The following FBXL12 variants were observed in gnomAD, a reference collection of about 807,000 sequenced individuals.
FBXL12 encodes F-box/LRR-repeat protein 12.
In FBXL12, 22 loss-of-function variants were observed where a neutral mutation model predicts 24.9. That is an observed-to-expected ratio of 0.88 (90% confidence interval 0.63 to 1.26). The LOEUF (loss-of-function observed/expected upper bound fraction) is 1.26. Among genes scored for constraint, FBXL12 ranks in the 50% most tolerant of loss-of-function variants. The pLI is 0.00. For synonymous variants in FBXL12, 193 were observed against 193.8 expected, an observed-to-expected ratio of 1.00 and a Z score of 0.03; for missense variants, 384 against 434.1, an observed-to-expected ratio of 0.88 and a Z score of 1.03.
chr19:9,815,973 T>C (rs1017382605), intron 2 of FBXL12, among the ~76,000 whole-genome samples: 1 of 152,174 alleles, frequency 6.6e-6, no homozygotes, highest in Non-Finnish European at 1.5e-5. Context: ...TTGGCTTCTG[T>C]GCACCAGCAG....
chr19:9,811,202 G>A lies in FBXL12; in HGVS notation c.675C>T (p.Arg225=), dbSNP rs2045739654. 2 of 1,613,306 alleles carry A rather than the reference G, an allele frequency of 1.2e-6. No individual in the cohort carries two copies. Among genetic ancestry groups the A allele is most frequent in the East Asian group, 4.5e-5 (2 of 44,854 alleles). ...GGATCTTGCGCACATCTCGGAGGTG[G>A]CGGCTGATGGCCAGCAGGGTGCTGT... ...SADSTLLAIS[R]HLRDVRKIRL... The change falls in exon 3 of 3, where the codon CGC becomes CGT. Residue 225 remains arginine (R), a synonymous_variant. Coordinates refer to ENST00000247977, the MANE Select transcript of FBXL12 (RefSeq NM_017703.3). The surrounding 1 kb of genome is among the most constrained non-coding windows in gnomAD (Gnocchi z 6.0).
In FBXL12 at chr19:9,811,936, T is replaced by C. The variant is rs1161859989; in HGVS notation, c.160-219A>G. On this transcript the variant is annotated intron_variant, in intron 2 of 2. Coordinates refer to ENST00000247977, the MANE Select transcript of FBXL12 (RefSeq NM_017703.3). The surrounding 1 kb of genome is among the most constrained non-coding windows in gnomAD (Gnocchi z 6.0). ...TGCTAGGGCTTTGAACAAATCTTTTTTTTTTTTTTTTTTTCTGAGACAGGT... is the reference window on the plus strand; with the variant it reads ...TGCTAGGGCTTTGAACAAATCTTTTCTTTTTTTTTTTTTTCTGAGACAGGT... 1.3e-5 allele frequency among the ~76,000 whole-genome samples: 2 copies of C among 151,166 alleles called. No homozygotes were observed. The highest frequency in any genetic ancestry group is 4.9e-5 in the African/African-American group (2 of 41,208).
chr19:9,812,188 A>T (rs1034248944), intron 2 of FBXL12, among the ~76,000 whole-genome samples: 1 of 152,076 alleles, frequency 6.6e-6, no homozygotes, highest in Non-Finnish European at 1.5e-5. Context: ...TCAGCCCCTC[A>T]AAGTGCTGGG....
chr19:9,811,500 A>C lies in FBXL12; in HGVS notation c.377T>G (p.Leu126Trp), dbSNP rs765335839. 1 of 1,613,856 alleles carries C rather than the reference A, an allele frequency of 6.2e-7. No individual in the cohort carries two copies. The highest frequency in any genetic ancestry group is 8.5e-7 in the Non-Finnish European group (1 of 1,179,956). ...GCAGCTGTGCAGCTCCAGGGTCCTC[A>C]AGGTGCTGGGCAGGCTGGTGATGGG... ...MVPITSLPST[L>W]RTLELHSCEI... is the part of the protein sequence containing the mutation. The change falls in exon 3 of 3, where the codon TTG becomes TGG. Residue 126 changes from leucine to tryptophan, a missense_variant. By Grantham distance (61) the Leu-to-Trp change is moderately conservative. Transcript: ENST00000247977. This position sits in a 1 kb window ranked among gnomAD's most constrained non-coding sequence, Gnocchi z 6.0.
chr19:9,811,747 G>A lies in FBXL12; in HGVS notation c.160-30C>T, dbSNP rs1007036220. On this transcript the variant is annotated intron_variant, in intron 2 of 2. Coordinates refer to ENST00000247977, the MANE Select transcript of FBXL12 (RefSeq NM_017703.3). This position sits in a 1 kb window ranked among gnomAD's most constrained non-coding sequence, Gnocchi z 6.0. ...AAGAGCCAGAGATTGGGGTGACAGA[G>A]TGAGAGGTATGGAGCTTCCAAGGCC... is the stretch of plus-strand genomic sequence containing the variant. The A allele has an allele frequency of 2.0e-6, 3 of 1,498,742 alleles. No homozygotes were observed. Among genetic ancestry groups the A allele is most frequent in the Non-Finnish European group, 2.7e-6 (3 of 1,121,966 alleles). 92.8% of individuals were successfully genotyped at this position (1,498,742 alleles called of 1,614,324 possible).
chr19:9,811,653 C>T lies in FBXL12; in HGVS notation c.224G>A (p.Arg75Gln), dbSNP rs781395290. The change falls in exon 3 of 3, where the codon CGG becomes CAG. Residue 75 changes from arginine (R) to glutamine (Q), a missense_variant. By Grantham distance (43) the Arg-to-Gln change is conservative. Coordinates refer to ENST00000247977, the MANE Select transcript of FBXL12 (RefSeq NM_017703.3). This position sits in a 1 kb window ranked among gnomAD's most constrained non-coding sequence, Gnocchi z 6.0. ...RYMASRLHSLRMGGYLFSGSQ... is the reference protein window; with the variant it reads ...RYMASRLHSLQMGGYLFSGSQ... ...GCCAGAGAACAGGTAGCCACCCATC[C>T]GCAGGGAATGGAGCCGGGATGCCAT... 81 of 1,521,778 alleles carry T rather than the reference C, an allele frequency of 5.3e-5. No individual in the cohort carries two copies. Among genetic ancestry groups the T allele is most frequent in the South Asian group, 2.6e-4 (20 of 77,200 alleles). 94.3% of individuals were successfully genotyped at this position (1,521,778 alleles called of 1,614,324 possible). A position where few individuals can be genotyped will look rare whatever the true frequency, so the allele number is the denominator to read the frequency against.
At chr19:9,818,498 C>A (rs752819431) in intron 2 of FBXL12, 47 bp downstream of exon 2, 5 of 1,524,696 alleles carry the variant, frequency 3.3e-6, no homozygotes, top group Middle Eastern at 1.9e-4. Flanking sequence ...CTTCGGGGTC[C>A]GGGCACCGCG....
rs1479696587 is a variant in FBXL12 at position 9,811,187 on chromosome 19, C to T, written c.690G>A (p.Val230=). 7 of 1,611,852 alleles carry T rather than the reference C, an allele frequency of 4.3e-6. No individual in the cohort carries two copies. The highest frequency in any genetic ancestry group is 5.1e-6 in the Non-Finnish European group (6 of 1,178,362). ...LLAISRHLRD[V]RKIRLTVRGL... ...CCCTCACGGTCAGCCGGATCTTGCG[C>T]ACATCTCGGAGGTGGCGGCTGATGG... is the stretch of plus-strand genomic sequence containing the variant. The change falls in exon 3 of 3, where the codon GTG becomes GTA. Residue 230 remains valine, a synonymous_variant. Transcript: ENST00000247977. The surrounding 1 kb of genome is among the most constrained non-coding windows in gnomAD (Gnocchi z 6.0).
intron 2 of FBXL12, among the ~76,000 whole-genome samples, chr19:9,817,011 A>G (rs2045900794): frequency 6.6e-6 from 1 of 152,200 alleles, no homozygotes; most frequent in Non-Finnish European, 1.5e-5. Context: ...AGACTTATTC[A>G]CTATCACAAG....
At chr19:9,818,687 C>A (rs1345465729) in intron 1 of FBXL12, 41 bp downstream of exon 1, 1 of 1,543,338 alleles carries the variant, frequency 6.5e-7, no homozygotes, top group East Asian at 2.4e-5. Flanking sequence ...GTGCCAGCTG[C>A]GCCCTCCGCC....
chr19:9,818,328 G>A (rs1414875390), intron 2 of FBXL12: 3 of 587,562 alleles, frequency 5.1e-6, no homozygotes, highest in Non-Finnish European at 9.1e-6. Flanking sequence ...GCCCCGTGAG[G>A]CAGGTACTGT....
At chr19:9,818,336 T>C (rs2045927287) in intron 2 of FBXL12, 1 of 599,192 alleles carries the variant, frequency 1.7e-6, no homozygotes, top group Non-Finnish European at 3.0e-6. Context: ...AGGCAGGTAC[T>C]GTCCTTTATC....
Position 9,811,221 on chromosome 19 carries a change from G to A in FBXL12, c.656C>T (p.Thr219Ile). 6.2e-7 allele frequency: 1 copy of A among 1,613,392 alleles called. No individual in the cohort carries two copies. The highest frequency in any genetic ancestry group is 1.1e-5 in the South Asian group (1 of 91,072). ...VLGCTLSADS[T>I]LLAISRHLRD... ...GAGGTGGCGGCTGATGGCCAGCAGGGTGCTGTCGGCAGACAGGGTGCAGCC... is the reference window on the plus strand; with the variant it reads ...GAGGTGGCGGCTGATGGCCAGCAGGATGCTGTCGGCAGACAGGGTGCAGCC... The change falls in exon 3 of 3, where the codon ACC becomes ATC. Residue 219 changes from threonine to isoleucine, a missense_variant. Thr to Ile is a moderately conservative substitution (Grantham distance 89). Coordinates refer to ENST00000247977, the MANE Select transcript of FBXL12 (RefSeq NM_017703.3). This position sits in a 1 kb window ranked among gnomAD's most constrained non-coding sequence, Gnocchi z 6.0.
In FBXL12 at chr19:9,810,883, G is replaced by T. The variant is rs2045726080; in HGVS notation, c.*13C>A. 3 of 1,560,892 alleles carry T rather than the reference G, an allele frequency of 1.9e-6. No homozygotes were observed. The highest frequency in any genetic ancestry group is 1.7e-5 in the Admixed American group (1 of 57,612). Reference sequence around the variant, plus strand: ...ATGAAAACTGGGATGGGTCCCAAGGGCAGGTGGAGTAGTTACATCCACCAG... The same window carrying T: ...ATGAAAACTGGGATGGGTCCCAAGGTCAGGTGGAGTAGTTACATCCACCAG... On this transcript the variant is annotated 3_prime_UTR_variant, in exon 3 of 3. Transcript: ENST00000247977.
chr19:9,818,969 G>T lies in FBXL12; in HGVS notation c.-156C>A. 1.4e-6 allele frequency: 1 copy of T among 695,084 alleles called. No homozygotes were observed. The highest frequency in any genetic ancestry group is 2.4e-6 in the Non-Finnish European group (1 of 412,546). The allele number at this position is 695,084 out of a possible 1,614,324, so 43.1% of individuals were successfully genotyped here. On this transcript the variant is annotated 5_prime_UTR_variant, in exon 1 of 3. Transcript: ENST00000247977. ...GGGAAGTGATTCGGTCCCAGGGCCG[G>T]ACCAGCCGCGGATGGGGACCAGAAA...
chr19:9,811,799 C>G lies in FBXL12; in HGVS notation c.160-82G>C, dbSNP rs981308057. 1.6e-6 allele frequency: 2 copies of G among 1,229,738 alleles called. No individual in the cohort carries two copies. The highest frequency in any genetic ancestry group is 2.2e-6 in the Non-Finnish European group (2 of 920,402). The allele number at this position is 1,229,738 out of a possible 1,614,324, so 76.2% of individuals were successfully genotyped here. On this transcript the variant is annotated intron_variant, in intron 2 of 2. Coordinates refer to ENST00000247977, the MANE Select transcript of FBXL12 (RefSeq NM_017703.3). The surrounding 1 kb of genome is among the most constrained non-coding windows in gnomAD (Gnocchi z 6.0). ...CTGCTGGGCTGGAGACACACAACCCCGGGGTGGGGGATTCTGGTGCCCTGC... is the reference window on the plus strand; with the variant it reads ...CTGCTGGGCTGGAGACACACAACCCGGGGGTGGGGGATTCTGGTGCCCTGC...
At position 9,811,792 on chromosome 19, in the gene FBXL12, A is replaced by G. The variant is rs1454526147; in HGVS notation, c.160-75T>C. Reference sequence around the variant, plus strand: ...AAGGCCCCTGCTGGGCTGGAGACACACAACCCCGGGGTGGGGGATTCTGGT... The same window carrying G: ...AAGGCCCCTGCTGGGCTGGAGACACGCAACCCCGGGGTGGGGGATTCTGGT... On this transcript the variant is annotated intron_variant, in intron 2 of 2. Coordinates refer to ENST00000247977, the MANE Select transcript of FBXL12 (RefSeq NM_017703.3). The surrounding 1 kb of genome is among the most constrained non-coding windows in gnomAD (Gnocchi z 6.0). 3 of 1,292,844 alleles carry G rather than the reference A, an allele frequency of 2.3e-6. No homozygotes were observed. The highest frequency in any genetic ancestry group is 2.1e-6 in the Non-Finnish European group (2 of 967,836). 80.1% of individuals were successfully genotyped at this position (1,292,844 alleles called of 1,614,324 possible).
intron 2 of FBXL12, among the ~76,000 whole-genome samples, chr19:9,814,976 T>A (rs1346429917): frequency 6.6e-6 from 1 of 152,124 alleles, no homozygotes; most frequent in Admixed American, 6.6e-5. Flanking sequence ...CAACCAATCA[T>A]GGCTTCCCAA....
chr19:9,811,265 C>G lies in FBXL12; in HGVS notation c.612G>C (p.Leu204=). The change falls in exon 3 of 3, where the codon CTG becomes CTC. Residue 204 remains leucine, a synonymous_variant. Coordinates refer to ENST00000247977, the MANE Select transcript of FBXL12 (RefSeq NM_017703.3). This position sits in a 1 kb window ranked among gnomAD's most constrained non-coding sequence, Gnocchi z 6.0. ...TGCAGCCCAGCACCTCAAGCCTCTG[C>G]AGATAGCTGAGCTCCTGCAGGCCAG... ...LDAGLQELSY[L]QRLEVLGCTL... is the part of the protein sequence containing the mutation. 6.2e-7 allele frequency: 1 copy of G among 1,611,494 alleles called. No individual in the cohort carries two copies. The highest frequency in any genetic ancestry group is 8.5e-7 in the Non-Finnish European group (1 of 1,179,988).
Sources: allele counts gnomAD v4.1 joint callset (sites outside exome capture counted in the v4.1 genomes callset), GRCh38; gene constraint gnomAD v4.1.1; non-coding constraint Gnocchi (gnomAD v3.1); transcripts MANE v1.5; gene names NCBI Gene and HGNC (gene_info 2026-07-23, HGNC 2026-07-21).